FER: variants seen among roughly 807,000 people sequenced by gnomAD.
The protein encoded by FER is FER tyrosine kinase, also known as tyrosine-protein kinase Fer.
FER carries 63 observed loss-of-function variants against 111.0 expected under a neutral mutation model. The ratio of observed to expected loss-of-function variants is 0.57; its 90% confidence interval spans 0.46 to 0.70. The LOEUF is 0.70. FER is among the 30% of genes least tolerant of loss of function. FER has a pLI of 0.00. For synonymous variants in FER, 327 were observed against 313.9 expected (o/e 1.04, Z -0.44); for missense variants, 914 against 954.0 (o/e 0.96, Z 0.55).
intron 17 of FER, among the ~76,000 whole-genome samples, chr5:109,150,289 C>G (rs1754685099): frequency 6.6e-6 from 1 of 152,088 alleles, no homozygotes; most frequent in Non-Finnish European, 1.5e-5. Flanking sequence ...TTGAACCCAC[C>G]TTTCCCAGTA....
chr5:109,031,868 A>G (rs1769673447), intron 13 of FER, among the ~76,000 whole-genome samples: 1 of 152,132 alleles, frequency 6.6e-6, no homozygotes, highest in Non-Finnish European at 1.5e-5. Context: ...TACTCATGTG[A>G]CACTTGAAAT....
Position 109,067,364 on chromosome 5 carries a change from C to T in FER, c.1924+20166C>T, listed in dbSNP as rs553559041. On this transcript the variant is annotated intron_variant, in intron 16 of 19. Transcript: ENST00000281092. ...ACCCCTATTCTCCTTAGTTTCTCTTCTTGAAGATAGCTCCTCTTACTTTTT... is the reference window on the plus strand; with the variant it reads ...ACCCCTATTCTCCTTAGTTTCTCTTTTTGAAGATAGCTCCTCTTACTTTTT... Among the ~76,000 whole-genome samples, 8 of 152,164 alleles carry T rather than the reference C, an allele frequency of 5.3e-5. No individual in the cohort carries two copies. In the East Asian group the frequency reaches 7.7e-4, roughly 15 times the overall value.
chr5:108,883,454 G>A lies in FER; in HGVS notation c.982G>A (p.Glu328Lys), dbSNP rs1765871196. The A allele has an allele frequency of 1.9e-6, 3 of 1,609,214 alleles. No individual in the cohort carries two copies. Among genetic ancestry groups the A allele is most frequent in the African/African-American group, 1.3e-5 (1 of 74,680 alleles). ...QTQQMLLNKE[E>K]AVLELEKRIE... ...ACAGCAGATGCTTTTAAACAAGGAG[G>A]AGGCTGTTTTGGAGTTAGAGAAGAG... Residue 328 changes from glutamate to lysine, a missense_variant, in exon 9 of 20, where the codon GAG (glutamate) becomes AAG (lysine). Glu to Lys is a moderately conservative substitution (Grantham distance 56, BLOSUM62 1). Coordinates refer to ENST00000281092, the MANE Select transcript of FER (RefSeq NM_005246.4).
chr5:108,962,324 T>C (rs150030465), intron 13 of FER, among the ~76,000 whole-genome samples: 12 of 152,330 alleles, frequency 7.9e-5, no homozygotes, highest in African/African-American at 2.9e-4. Flanking sequence ...AAGTTGGACA[T>C]GTATATGACC....
intron 5 of FER, among the ~76,000 whole-genome samples, chr5:108,845,661 A>C (rs949870638): frequency 6.6e-6 from 1 of 152,182 alleles, no homozygotes; most frequent in Middle Eastern, 3.4e-3. Flanking sequence ...ATGATATTGA[A>C]TAGAAGTGAG....
At chr5:108,825,858 C>T (rs1580741519) in intron 3 of FER, among the ~76,000 whole-genome samples, 7 of 152,192 alleles carry the variant, frequency 4.6e-5, no homozygotes, top group Admixed American at 4.6e-4. Context: ...CCCTGACTTC[C>T]CGCAACACAA....
chr5:109,150,693 A>C (rs1441397659), intron 17 of FER, among the ~76,000 whole-genome samples: 1 of 152,168 alleles, frequency 6.6e-6, no homozygotes, highest in African/African-American at 2.4e-5. Context: ...TTAACGTTAT[A>C]GTTGTTTATG....
At position 109,192,591 on chromosome 5, in the gene FER, T is replaced by C. The variant is rs1397537410; in HGVS notation, c.*5016T>C. Reference sequence around the variant, plus strand: ...GACACTACCCAAAGCTTCTTTACATTTGCATTGGTTATATTTAATATTTCT... The same window carrying C: ...GACACTACCCAAAGCTTCTTTACATCTGCATTGGTTATATTTAATATTTCT... On this transcript the variant is annotated 3_prime_UTR_variant, in exon 20 of 20. Coordinates refer to ENST00000281092, the MANE Select transcript of FER (RefSeq NM_005246.4). 3 of 152,154 alleles carry C rather than the reference T, an allele frequency of 2.0e-5. No homozygotes were observed. Among genetic ancestry groups the C allele is most frequent in the Non-Finnish European group, 4.4e-5 (3 of 68,030 alleles). The allele number at this position is 152,154 out of a possible 1,614,324, so 9.4% of individuals were successfully genotyped here.
chr5:108,761,498 C>T (rs1224515119), intron 1 of FER, among the ~76,000 whole-genome samples: 1 of 151,750 alleles, frequency 6.6e-6, no homozygotes, highest in Admixed American at 6.6e-5. Context: ...TCTTGGTGCC[C>T]CAAAACAATT....
intron 19 of FER, among the ~76,000 whole-genome samples, chr5:109,186,615 CTCAAACTCTT>C (rs1466550430): frequency 6.6e-6 from 1 of 152,132 alleles, no homozygotes; most frequent in African/African-American, 2.4e-5. Context: ...GGTGGTGTTT[CTCAAACTCTT>C]GTATTCTATG....
chr5:108,942,023 C>T (rs747238732), intron 10 of FER, among the ~76,000 whole-genome samples: 3 of 152,040 alleles, frequency 2.0e-5, no homozygotes, highest in Non-Finnish European at 2.9e-5. Flanking sequence ...TGTGTGGGGG[C>T]AGAGGACATA....
intron 13 of FER, among the ~76,000 whole-genome samples, chr5:109,018,673 A>G (rs918477376): frequency 3.3e-5 from 5 of 151,792 alleles, no homozygotes; most frequent in African/African-American, 1.2e-4. Flanking sequence ...AATCGTATAT[A>G]TGTAAACATT....
Position 108,926,671 on chromosome 5 carries a change from A to G in FER, c.1237-19459A>G, listed in dbSNP as rs561984384. ...TGATAAACCTAAAAATATACTTTTA[A>G]GTACTTTTCATTGTCAGTCTGCTCA... On this transcript the variant is annotated intron_variant, in intron 10 of 19. Coordinates refer to ENST00000281092, the MANE Select transcript of FER (RefSeq NM_005246.4). Among the ~76,000 whole-genome samples, 9 of 152,324 alleles carry G rather than the reference A, an allele frequency of 5.9e-5. No individual in the cohort carries two copies. In the South Asian group the frequency reaches 1.5e-3, roughly 25 times the overall value.
intron 1 of FER, among the ~76,000 whole-genome samples, chr5:108,756,183 TA>T (rs1333395973): frequency 6.0e-5 from 9 of 149,232 alleles, no homozygotes; most frequent in Non-Finnish European, 1.3e-4. Flanking sequence ...ATAATAATAA[TA>T]AATACAATAA....
chr5:108,984,686 G>C (rs1448366544), intron 13 of FER, among the ~76,000 whole-genome samples: 1 of 151,558 alleles, frequency 6.6e-6, no homozygotes, highest in Non-Finnish European at 1.5e-5. Flanking sequence ...ACACAAATAT[G>C]ACAAATTGTC....
At chr5:108,959,577 GT>G (rs958209003) in intron 13 of FER, among the ~76,000 whole-genome samples, 2 of 151,502 alleles carry the variant, frequency 1.3e-5, no homozygotes, top group Non-Finnish European at 3.0e-5. Context: ...AGATGGCTTG[GT>G]TTTTTTTCCC....
intron 5 of FER, among the ~76,000 whole-genome samples, chr5:108,866,944 A>G (rs1764127987): frequency 6.6e-6 from 1 of 152,200 alleles, no homozygotes; most frequent in Non-Finnish European, 1.5e-5. Flanking sequence ...TCATAACATT[A>G]TCAGTATCTC....
At chr5:109,074,378 C>G (rs974262868) in intron 16 of FER, among the ~76,000 whole-genome samples, 3 of 152,170 alleles carry the variant, frequency 2.0e-5, no homozygotes, top group African/African-American at 4.8e-5. Flanking sequence ...TCAAAAGATA[C>G]ATTGTAATAT....
chr5:109,170,629 A>G (rs913255658), intron 17 of FER, among the ~76,000 whole-genome samples: 3 of 152,206 alleles, frequency 2.0e-5, no homozygotes, highest in Non-Finnish European at 2.9e-5. Flanking sequence ...AATAGGTGTC[A>G]ATCAATGGTT....
Sources: allele counts gnomAD v4.1 joint callset (sites outside exome capture counted in the v4.1 genomes callset), GRCh38; gene constraint gnomAD v4.1.1; transcripts MANE v1.5; gene names NCBI Gene and HGNC (gene_info 2026-07-23, HGNC 2026-07-21).